Variants in FAAH2 observed in about 807,000 individuals in gnomAD.
FAAH2 encodes the protein fatty-acid amide hydrolase 2.
A neutral mutation model predicts 36.9 loss-of-function variants in FAAH2; 60 were observed. That is an observed-to-expected ratio of 1.63 (90% CI 1.32 to 2.02). The LOEUF (loss-of-function observed/expected upper bound fraction) is 2.02, where lower values mean the gene tolerates loss of function less well. FAAH2 is among the 30% of genes most tolerant of loss of function. The probability of loss-of-function intolerance (pLI) is 0.00; values close to 1 mark genes in which losing one functional copy is unlikely to be tolerated. For missense variants in FAAH2, 689 were observed against 397.5 expected (o/e 1.73, Z -6.23); for synonymous variants, 214 against 143.8 (o/e 1.49, Z -3.49).
the FAAH2 span, among the ~76,000 whole-genome samples, chrX:57,185,012 T>G: frequency 9.0e-6 from 1 of 111,448 alleles, no homozygotes; most frequent in Non-Finnish European, 1.9e-5. Flanking sequence ...GATACAGGCG[T>G]GCAATGCATA....
intron 5 of FAAH2, among the ~76,000 whole-genome samples, chrX:57,349,563 C>A (rs866452478): frequency 9.7e-6 from 1 of 102,603 alleles, no homozygotes; most frequent in Non-Finnish European, 2.0e-5. Context: ...ATATATATAT[C>A]TATTTTAAAA....
At chrX:57,338,999 C>T (rs776540574) in intron 4 of FAAH2, among the ~76,000 whole-genome samples, 2 of 111,418 alleles carry the variant, frequency 1.8e-5, no homozygotes, top group Admixed American at 9.5e-5. Context: ...CATCATGGTA[C>T]CCAACTTCCA....
chrX:57,356,102 A>G (rs950006550), intron 5 of FAAH2, among the ~76,000 whole-genome samples: 6 of 110,490 alleles, frequency 5.4e-5, no homozygotes, highest in Non-Finnish European at 1.1e-4. Flanking sequence ...ATTTAGGACA[A>G]TTGTTTCATT....
At chrX:57,379,632 CA>C (rs1289743616) in intron 6 of FAAH2, among the ~76,000 whole-genome samples, 10 of 109,508 alleles carry the variant, frequency 9.1e-5, no homozygotes, top group African/African-American at 2.7e-4. Context: ...AAAGAGACAA[CA>C]TTTTTTTAGC....
chrX:57,222,410 T>G, the FAAH2 span, among the ~76,000 whole-genome samples: 1 of 111,664 alleles, frequency 9.0e-6, no homozygotes, highest in East Asian at 2.8e-4. Flanking sequence ...AGTTGCATTA[T>G]GTATTCTAAC....
intron 10 of FAAH2, among the ~76,000 whole-genome samples, chrX:57,469,469 C>T (rs1377649217): frequency 1.8e-5 from 2 of 111,540 alleles, no homozygotes; most frequent in African/African-American, 6.5e-5. Flanking sequence ...ATGAAACACA[C>T]TTTAAACCAA....
intron 7 of FAAH2, chrX:57,392,613 G>A (rs191840473): frequency 3.8e-6 from 3 of 785,547 alleles, no homozygotes; most frequent in African/African-American, 2.0e-5. Flanking sequence ...GATTTTCAAA[G>A]TAGCTTCTTG....
Position 57,286,787 on chromosome X carries a change from A to T in FAAH2, c.-39A>T. The T allele has an allele frequency of 9.3e-7, 1 of 1,078,291 alleles. No individual in the cohort carries two copies. The highest frequency in any genetic ancestry group is 1.2e-6 in the Non-Finnish European group (1 of 824,348). The allele number at this position is 1,078,291 out of a possible 1,213,427, so 88.9% of individuals were successfully genotyped here. ...CTCGTCCTTTCCCCAGGGTGCACGT[A>T]ACCCTCAAGCACTAGGACCGTGCGG... On this transcript the variant is annotated 5_prime_UTR_variant, in exon 1 of 11. Coordinates refer to ENST00000374900, the MANE Select transcript of FAAH2 (RefSeq NM_174912.4).
chrX:57,410,879 A>T (rs1372669988), intron 7 of FAAH2, among the ~76,000 whole-genome samples: 1 of 111,386 alleles, frequency 9.0e-6, no homozygotes, highest in Non-Finnish European at 1.9e-5. Context: ...GCTCGCTGAG[A>T]TTCTTTAAAG....
At chrX:57,390,955 A>G (rs2055152381) in intron 7 of FAAH2, among the ~76,000 whole-genome samples, 1 of 111,479 alleles carries the variant, frequency 9.0e-6, no homozygotes, top group Admixed American at 9.6e-5. Context: ...GTGTATAAGC[A>G]TTCCTTTTTT....
chrX:57,369,316 A>G (rs1416902847), intron 5 of FAAH2, among the ~76,000 whole-genome samples: 2 of 111,517 alleles, frequency 1.8e-5, no homozygotes, highest in African/African-American at 6.5e-5. Flanking sequence ...CTTATTTAAC[A>G]AAATAGTAGC....
chrX:57,223,311 C>A, the FAAH2 span, among the ~76,000 whole-genome samples: 1 of 111,540 alleles, frequency 9.0e-6, no homozygotes, highest in South Asian at 3.8e-4. Context: ...TGTCCCTGTC[C>A]TTTTTCTCTC....
At chrX:57,393,068 C>T (rs1220278317) in intron 7 of FAAH2, 5 of 920,720 alleles carry the variant, frequency 5.4e-6, no homozygotes, top group African/African-American at 1.9e-5. Flanking sequence ...CTAAGGTACC[C>T]TTGCCCCCTT....
the FAAH2 span, among the ~76,000 whole-genome samples, chrX:57,184,515 G>T: frequency 8.9e-6 from 1 of 112,241 alleles, no homozygotes; most frequent in East Asian, 2.8e-4. Context: ...GAAATATTGG[G>T]GGTGGGTTCC....
At chrX:57,459,041 T>A (rs2056912642) in intron 10 of FAAH2, among the ~76,000 whole-genome samples, 1 of 111,889 alleles carries the variant, frequency 8.9e-6, no homozygotes, top group Non-Finnish European at 1.9e-5. Flanking sequence ...GCTCAGTGGT[T>A]CCCACTCCCA....
chrX:57,238,767 T>C, the FAAH2 span, among the ~76,000 whole-genome samples: 2 of 111,879 alleles, frequency 1.8e-5, no homozygotes, highest in Non-Finnish European at 3.8e-5. Flanking sequence ...TAGTACCTGA[T>C]ATGCATTTTT....
At chrX:57,160,398 T>A in the FAAH2 span, among the ~76,000 whole-genome samples, 2 of 112,146 alleles carry the variant, frequency 1.8e-5, no homozygotes, top group South Asian at 3.7e-4. Context: ...TTGATTGGAA[T>A]TGTTTCAAAA....
intron 5 of FAAH2, among the ~76,000 whole-genome samples, chrX:57,357,530 T>G (rs2054188057): frequency 9.0e-6 from 1 of 111,665 alleles, no homozygotes; most frequent in African/African-American, 3.3e-5. Flanking sequence ...GCAAAGGATA[T>G]GAATAGAGAC....
the FAAH2 span, among the ~76,000 whole-genome samples, chrX:57,248,877 TC>T: frequency 1.2e-4 from 12 of 104,009 alleles, no homozygotes; most frequent in Non-Finnish European, 2.4e-4. Flanking sequence ...GGTACTTGAG[TC>T]TTTTTAATTA....
Sources: gnomAD v4.1 joint callset for allele counts (sites outside exome capture counted in the v4.1 genomes callset) on GRCh38, gnomAD v4.1.1 for gene constraint, MANE v1.5 for transcripts, NCBI Gene and HGNC (gene_info 2026-07-23, HGNC 2026-07-21) for gene names.